The following CERS4 variants were observed in gnomAD, a reference collection of about 807,000 sequenced individuals.
The protein encoded by CERS4 is LAG1 homolog, ceramide synthase 4.
A neutral mutation model predicts 51.8 loss-of-function variants in CERS4; 65 were observed. The ratio of observed to expected loss-of-function variants is 1.26; its 90% CI spans 1.03 to 1.54. CERS4 has a LOEUF of 1.54. Ranked by LOEUF, CERS4 falls within the 40% of genes most tolerant of loss-of-function variation. CERS4 has a pLI of 0.00. For synonymous variants in CERS4, 228 were observed against 208.4 expected (o/e 1.09, Z -0.81); for missense variants, 563 against 500.4 (o/e 1.13, Z -1.19).
intron 4 of CERS4, among the ~76,000 whole-genome samples, 190 bp downstream of exon 4, chr19:8,254,806 G>A (rs556902148): frequency 4.6e-5 from 7 of 151,980 alleles, no homozygotes; most frequent in South Asian, 4.1e-4. Context: ...CCTGGGAAAC[G>A]ACGCCCCACC....
At chr19:8,252,481 T>G (rs1321947797) in intron 3 of CERS4, among the ~76,000 whole-genome samples, 4 of 151,874 alleles carry the variant, frequency 2.6e-5, no homozygotes, top group Non-Finnish European at 2.9e-5. Context: ...CTCTTTCACC[T>G]TGGCTGGAGT....
At chr19:8,240,842 G>A (rs528734139) in intron 2 of CERS4, among the ~76,000 whole-genome samples, 115 of 152,214 alleles carry the variant, frequency 7.6e-4, no homozygotes, top group Non-Finnish European at 1.2e-3. Context: ...CTCTACTCAT[G>A]CCCCCTAACC....
In CERS4 at chr19:8,257,883, G is replaced by C; in HGVS notation, c.746G>C (p.Cys249Ser). ...TCTCCCTGCTGCCCTTTCCAGGCCTGTAAGATGGTCAACTACATGCAGTAT... is the reference window on the plus strand; with the variant it reads ...TCTCCCTGCTGCCCTTTCCAGGCCTCTAAGATGGTCAACTACATGCAGTAT... Reference protein sequence around the residue: ...HDSSDYLLEACKMVNYMQYQQ... With the variant: ...HDSSDYLLEASKMVNYMQYQQ... The change falls in exon 10 of 12, where the codon TGT becomes TCT. Residue 249 changes from cysteine to serine, a missense_variant. Coordinates refer to ENST00000251363, the MANE Select transcript of CERS4 (RefSeq NM_024552.3). The C allele has an allele frequency of 6.2e-7, 1 of 1,613,498 alleles. No individual in the cohort carries two copies. Among genetic ancestry groups the C allele is most frequent in the Non-Finnish European group, 8.5e-7 (1 of 1,179,764 alleles).
chr19:8,226,603 C>G (rs1967798479), intron 2 of CERS4, among the ~76,000 whole-genome samples: 1 of 152,160 alleles, frequency 6.6e-6, no homozygotes, highest in Non-Finnish European at 1.5e-5. Context: ...AGGGGCTGAT[C>G]TTGATGGAAA....
At chr19:8,224,128 G>T (rs1323915175) in intron 2 of CERS4, among the ~76,000 whole-genome samples, 1 of 58,716 alleles carries the variant, frequency 1.7e-5, no homozygotes. Context: ...AAAAAAAAAG[G>T]CCAGGCACGG....
intron 9 of CERS4, 98 bp downstream of exon 9, chr19:8,257,175 A>C: frequency 7.7e-7 from 1 of 1,293,596 alleles, no homozygotes; most frequent in South Asian, 1.4e-5. Context: ...TTCCTGGGAG[A>C]TGGAGCCCCA....
At chr19:8,224,136 C>T (rs1967681377) in intron 2 of CERS4, among the ~76,000 whole-genome samples, 1 of 141,034 alleles carries the variant, frequency 7.1e-6, no homozygotes, top group Non-Finnish European at 1.5e-5. Flanking sequence ...AGGCCAGGCA[C>T]GGTGGCCCAT....
At position 8,257,936 on chromosome 19, in the gene CERS4, ATCT is replaced by A; in HGVS notation, c.803_805del (p.Phe268del). 2 of 1,613,890 alleles carry A rather than the reference ATCT, an allele frequency of 1.2e-6. No homozygotes were observed. The highest frequency in any genetic ancestry group is 8.5e-7 in the Non-Finnish European group (1 of 1,179,954). On this transcript the variant is annotated inframe_deletion, in exon 10 of 12. Coordinates refer to ENST00000251363, the MANE Select transcript of CERS4 (RefSeq NM_024552.3). ...GCAAGTGTGCGACGCTCTCTTCCTC[ATCT>A]TCTCCTTTGTCTTCTTCTACACCCG...
chr19:8,224,807 G>A (rs1417638224), intron 2 of CERS4, among the ~76,000 whole-genome samples: 3 of 152,110 alleles, frequency 2.0e-5, no homozygotes, highest in African/African-American at 4.8e-5. Flanking sequence ...GGACGTAATC[G>A]TAGGGCTTAA....
chr19:8,249,907 C>G (rs1251549267), intron 2 of CERS4, among the ~76,000 whole-genome samples: 1 of 151,954 alleles, frequency 6.6e-6, no homozygotes, highest in Non-Finnish European at 1.5e-5. Context: ...TTCTTTAAAT[C>G]CTTCATCTTT....
chr19:8,262,005 C>G lies in CERS4; in HGVS notation c.1081C>G (p.Gln361Glu). The change falls in exon 12 of 12, where the codon CAG (glutamine) becomes GAG (glutamate). Residue 361 changes from glutamine to glutamate, a missense_variant. Coordinates refer to ENST00000251363, the MANE Select transcript of CERS4 (RefSeq NM_024552.3). ...GGCGGCGGCGGCCCAGGAACCTCTG[C>G]AGCTAAAGAACGGGGCAGCTGGAGG... ...EEAAAAQEPL[Q>E]LKNGAAGGPR... The G allele has an allele frequency of 6.3e-7, 1 of 1,593,768 alleles. No homozygotes were observed. The highest frequency in any genetic ancestry group is 8.5e-7 in the Non-Finnish European group (1 of 1,171,078).
chr19:8,250,903 AC>A, intron 2 of CERS4, 172 bp from the exon 3 acceptor site: 2 of 1,439,474 alleles, frequency 1.4e-6, no homozygotes, highest in South Asian at 1.6e-5. Flanking sequence ...GGACCAGAGG[AC>A]AGTTCCAAAG....
intron 2 of CERS4, among the ~76,000 whole-genome samples, chr19:8,242,997 C>T (rs1192748160): frequency 6.6e-6 from 1 of 151,664 alleles, no homozygotes; most frequent in African/African-American, 2.4e-5. Context: ...GATGCCTGGG[C>T]CTTCCTAGGA....
At chr19:8,243,176 A>T (rs1303511946) in intron 2 of CERS4, among the ~76,000 whole-genome samples, 1 of 134,554 alleles carries the variant, frequency 7.4e-6, no homozygotes, top group African/African-American at 2.8e-5. Flanking sequence ...TCTGGGTGAC[A>T]AAGTGAGACC....
At chr19:8,220,819 T>G (rs1270595874) in intron 2 of CERS4, among the ~76,000 whole-genome samples, 1 of 148,702 alleles carries the variant, frequency 6.7e-6, no homozygotes, top group South Asian at 2.1e-4. Flanking sequence ...TGTTTTGTGT[T>G]TTTTTTTTTG....
intron 2 of CERS4, among the ~76,000 whole-genome samples, chr19:8,249,550 GCCTACCTT>G (rs1417849918): frequency 6.7e-6 from 1 of 149,042 alleles, no homozygotes; most frequent in African/African-American, 2.5e-5. Context: ...CTAGAGAGGA[GCCTACCTT>G]CCATAGATGG....
intron 3 of CERS4, among the ~76,000 whole-genome samples, chr19:8,251,764 G>T (rs1039407156): frequency 6.6e-6 from 1 of 150,770 alleles, no homozygotes; most frequent in Non-Finnish European, 1.5e-5. Flanking sequence ...AGATTGTGCC[G>T]CTGCACTCCA....
chr19:8,249,114 T>C (rs2145282695), intron 2 of CERS4, among the ~76,000 whole-genome samples: 1 of 148,982 alleles, frequency 6.7e-6, no homozygotes, highest in East Asian at 2.0e-4. Context: ...AGATGGATGA[T>C]GGGTAGATGG....
intron 2 of CERS4, among the ~76,000 whole-genome samples, chr19:8,238,834 T>A (rs185100484): frequency 2.0e-5 from 3 of 152,104 alleles, no homozygotes; most frequent in Admixed American, 1.3e-4. Flanking sequence ...TGTGGTGGCT[T>A]GTGTCGGTAA....
Sources: gnomAD v4.1 joint callset for allele counts (sites outside exome capture counted in the v4.1 genomes callset) on GRCh38, gnomAD v4.1.1 for gene constraint, MANE v1.5 for transcripts, NCBI Gene and HGNC (gene_info 2026-07-23, HGNC 2026-07-21) for gene names.